Variants in PCSK5 observed in about 807,000 individuals in gnomAD.
The protein encoded by PCSK5 is proprotein convertase subtilisin/kexin type 5.
A neutral mutation model predicts 233.2 loss-of-function variants in PCSK5; 129 were observed. The observed-to-expected ratio is 0.55, with a 90% CI of 0.48 to 0.64. PCSK5 has a LOEUF of 0.64. PCSK5 is among the 30% of genes least tolerant of loss of function. The probability of loss-of-function intolerance (pLI) is 0.00; values close to 1 mark genes in which losing one functional copy is unlikely to be tolerated. For synonymous variants in PCSK5, 825 were observed against 879.2 expected (o/e 0.94, Z 1.09); for missense variants, 2,076 against 2,430.1 (o/e 0.85, Z 3.06).
rs1209447922 is a variant in PCSK5 at position 76,296,769 on chromosome 9, C to T, written c.3427C>T (p.His1143Tyr). 5 of 1,611,376 alleles carry T rather than the reference C, an allele frequency of 3.1e-6. No homozygotes were observed. Among genetic ancestry groups the T allele is most frequent in the African/African-American group, 2.7e-5 (2 of 74,818 alleles). The stretch of plus-strand genomic sequence containing the variant: ...ATGCGAAACCTGCACAGGCCCTGGT[C>T]ATGACGAGTGCAGCAGCTGCCAGGA... ...RACETCTGPGHDECSSCQEGL... is the reference protein window; with the variant it reads ...RACETCTGPGYDECSSCQEGL... Residue 1143 changes from histidine (H) to tyrosine (Y), a missense_variant, in exon 27 of 38, where the codon CAT becomes TAT. This residue lies in a region of PCSK5 where 1,510 missense variants were observed against 1,538.1 expected (regional missense o/e 0.98). Coordinates refer to ENST00000674117, the MANE Select transcript of PCSK5 (RefSeq NM_001372043.1).
At chr9:76,002,279 C>G (rs1223039630) in intron 3 of PCSK5, among the ~76,000 whole-genome samples, 1 of 152,174 alleles carries the variant, frequency 6.6e-6, no homozygotes, top group Non-Finnish European at 1.5e-5. Flanking sequence ...CAAATATACT[C>G]AAGCATTTCA....
intron 10 of PCSK5, among the ~76,000 whole-genome samples, chr9:76,134,615 A>G (rs1467691989): frequency 6.6e-6 from 1 of 152,020 alleles, no homozygotes; most frequent in Non-Finnish European, 1.5e-5. Flanking sequence ...TTAGTGTAGC[A>G]CTGTTAGTTG....
At chr9:76,134,060 C>T (rs1263696509) in intron 9 of PCSK5, 49 bp from the exon 10 acceptor site, 2 of 1,152,102 alleles carry the variant, frequency 1.7e-6, no homozygotes, top group East Asian at 2.4e-5. Context: ...TCTGCTTCCC[C>T]CATCTTTTTT....
intron 24 of PCSK5, among the ~76,000 whole-genome samples, chr9:76,264,138 T>C (rs1334391402): frequency 6.6e-6 from 1 of 152,012 alleles, no homozygotes; most frequent in Non-Finnish European, 1.5e-5. Flanking sequence ...GATTAGAGAA[T>C]CCAGAAATAA....
Position 76,029,043 on chromosome 9 carries a change from T to A in PCSK5, c.632+2006T>A, listed in dbSNP as rs11144720. Reference sequence around the variant, plus strand: ...GGCCTATGAAGATGGGAAAAGGCTGTCGATCACTCTGGCTTCTTCCTGCTG... The same window carrying A: ...GGCCTATGAAGATGGGAAAAGGCTGACGATCACTCTGGCTTCTTCCTGCTG... On this transcript the variant is annotated intron_variant, in intron 5 of 37. Coordinates refer to ENST00000674117, the MANE Select transcript of PCSK5 (RefSeq NM_001372043.1). Among the ~76,000 whole-genome samples the A allele has an allele frequency of 2.4e-4, 36 of 152,278 alleles. No homozygotes were observed. The East Asian group carries it at 6.2e-3, about 26-fold the overall frequency.
intron 13 of PCSK5, among the ~76,000 whole-genome samples, chr9:76,173,152 TAG>T (rs1823400350): frequency 6.6e-6 from 1 of 152,208 alleles, no homozygotes; most frequent in Non-Finnish European, 1.5e-5. Flanking sequence ...GTACCCACCT[TAG>T]AGTTGTTTTG....
At chr9:76,157,440 A>G (rs1238563002) in intron 11 of PCSK5, among the ~76,000 whole-genome samples, 5 of 149,276 alleles carry the variant, frequency 3.3e-5, no homozygotes, top group Non-Finnish European at 7.4e-5. Flanking sequence ...CGATATTTCT[A>G]TTTGATGGTG....
intron 5 of PCSK5, among the ~76,000 whole-genome samples, chr9:76,056,496 A>G (rs989343336): frequency 5.3e-5 from 8 of 152,230 alleles, no homozygotes; most frequent in African/African-American, 1.4e-4. Context: ...CCTAATTTGT[A>G]TGTGTTCATG....
At chr9:76,006,021 C>CTT (rs374786942) in intron 3 of PCSK5, among the ~76,000 whole-genome samples, 4 of 143,040 alleles carry the variant, frequency 2.8e-5, no homozygotes, top group Admixed American at 1.4e-4. Flanking sequence ...CCACCACGCC[C>CTT]TTTTTTTTTT....
In PCSK5 at chr9:76,354,092, G is replaced by T. The variant is rs549290810; in HGVS notation, c.5127G>T (p.Gly1709=). 4 of 1,608,898 alleles carry T rather than the reference G, an allele frequency of 2.5e-6. No homozygotes were observed. The South Asian group carries it at 3.3e-5, about 13-fold the overall frequency. The change falls in exon 37 of 38, where the codon GGG becomes GGT. Residue 1709 remains glycine (G), a synonymous_variant. Transcript: ENST00000674117. ...HESCMECKGP[G]AKNCTLCPAN... Reference sequence around the variant, plus strand: ...GCTGCATGGAATGCAAGGGACCAGGGGCCAAGAACTGCACCTTGTGCCCTG... The same window carrying T: ...GCTGCATGGAATGCAAGGGACCAGGTGCCAAGAACTGCACCTTGTGCCCTG...
chr9:76,022,414 A>G (rs77088037), intron 3 of PCSK5, among the ~76,000 whole-genome samples: 2,564 of 152,302 alleles, frequency 0.017, 80 homozygotes, highest in African/African-American at 0.059. Context: ...TTAAGCTTCT[A>G]TTCTCTTCCA....
intron 4 of PCSK5, among the ~76,000 whole-genome samples, chr9:76,024,654 A>C: frequency 6.6e-6 from 1 of 152,244 alleles, no homozygotes; most frequent in Non-Finnish European, 1.5e-5. Context: ...GACTAAATAC[A>C]AATAGCATTC....
chr9:76,110,712 G>A (rs1200451349), intron 9 of PCSK5, among the ~76,000 whole-genome samples: 3 of 152,092 alleles, frequency 2.0e-5, no homozygotes, highest in Admixed American at 1.3e-4. Flanking sequence ...AAAGGTTGTG[G>A]GGGAGAAAGA....
intron 7 of PCSK5, among the ~76,000 whole-genome samples, 153 bp from the exon 8 acceptor site, chr9:76,095,737 G>A (rs188584504): frequency 2.2e-4 from 34 of 152,170 alleles, no homozygotes; most frequent in African/African-American, 8.0e-4. Context: ...TAAAACCAAC[G>A]CCTCTTACTC....
At chr9:76,110,333 C>T (rs550769219) in intron 9 of PCSK5, among the ~76,000 whole-genome samples, 6 of 152,334 alleles carry the variant, frequency 3.9e-5, no homozygotes, top group Non-Finnish European at 7.3e-5. Context: ...TATCCCTGTA[C>T]TGTCAGGAGA....
chr9:75,976,309 CA>C (rs1444190321), intron 2 of PCSK5, among the ~76,000 whole-genome samples: 2 of 104,450 alleles, frequency 1.9e-5, no homozygotes, highest in Admixed American at 8.7e-5. Context: ...CACACACACA[CA>C]CACACACACA....
At chr9:76,083,134 G>A (rs75037892) in intron 7 of PCSK5, among the ~76,000 whole-genome samples, 10,131 of 149,368 alleles carry the variant, frequency 0.068, 378 homozygotes, top group Middle Eastern at 0.1. Flanking sequence ...GCTTGAACCC[G>A]GGAGGCCAGT....
At chr9:76,075,050 T>C (rs1011428572) in intron 7 of PCSK5, among the ~76,000 whole-genome samples, 1 of 152,012 alleles carries the variant, frequency 6.6e-6, no homozygotes, top group African/African-American at 2.4e-5. Flanking sequence ...CAAAATCCCA[T>C]CTCTACTAAA....
intron 2 of PCSK5, among the ~76,000 whole-genome samples, chr9:75,971,190 T>C (rs1028361068): frequency 1.3e-5 from 2 of 151,984 alleles, no homozygotes; most frequent in African/African-American, 4.8e-5. Flanking sequence ...AGTGTTTGGT[T>C]TTCTGTTCCC....
Sources: allele counts gnomAD v4.1 joint callset (sites outside exome capture counted in the v4.1 genomes callset), GRCh38; gene constraint gnomAD v4.1.1; regional missense constraint gnomAD v4.1.1; transcripts MANE v1.5; gene names NCBI Gene and HGNC (gene_info 2026-07-23, HGNC 2026-07-21).